Variants in CTNND2 observed in about 807,000 individuals in gnomAD.
The protein encoded by CTNND2 is catenin delta 2.
Under a neutral mutation model 144.4 loss-of-function variants are expected in CTNND2, and 22 were observed. That is an observed-to-expected ratio of 0.15 (90% confidence interval 0.11 to 0.22). CTNND2 has a LOEUF of 0.22. Ranked by LOEUF, CTNND2 falls within the 10% of genes least tolerant of loss-of-function variation. CTNND2 has a pLI of 1.00. For missense variants in CTNND2, 1,353 were observed against 1,618.8 expected, an observed-to-expected ratio of 0.84 and a Z score of 2.82; for synonymous variants, 751 against 695.6, an observed-to-expected ratio of 1.08 and a Z score of -1.25.
intron 2 of CTNND2, among the ~76,000 whole-genome samples, chr5:11,575,634 T>A (rs193040251): frequency 1.7e-3 from 257 of 152,312 alleles, no homozygotes; most frequent in Non-Finnish European, 2.7e-3. Context: ...AATATCCATA[T>A]CAATGGAATA....
At chr5:11,824,968 G>T (rs1267606672) in intron 1 of CTNND2, among the ~76,000 whole-genome samples, 3 of 152,124 alleles carry the variant, frequency 2.0e-5, no homozygotes, top group African/African-American at 4.8e-5. Context: ...GATAATACTA[G>T]CTACCACAAA....
chr5:11,768,873 G>A (rs1318205223), intron 1 of CTNND2, among the ~76,000 whole-genome samples: 3 of 152,140 alleles, frequency 2.0e-5, no homozygotes, highest in African/African-American at 4.8e-5. Context: ...ATTCAGTGAC[G>A]AAATATTGCT....
intron 1 of CTNND2, among the ~76,000 whole-genome samples, chr5:11,875,032 AAAG>A (rs1735455810): frequency 2.0e-5 from 3 of 152,222 alleles, no homozygotes; most frequent in South Asian, 2.1e-4. Context: ...TGTAGAAAAC[AAAG>A]AAGAATTCTG....
At chr5:11,813,653 C>CTTTTTTT (rs1195153036) in intron 1 of CTNND2, among the ~76,000 whole-genome samples, 1 of 152,112 alleles carries the variant, frequency 6.6e-6, no homozygotes. Flanking sequence ...AAAACAAACA[C>CTTTTTTT]TTTTTTTATT....
At chr5:11,229,296 C>T (rs750736360) in intron 10 of CTNND2, among the ~76,000 whole-genome samples, 9 of 152,134 alleles carry the variant, frequency 5.9e-5, no homozygotes, top group South Asian at 2.1e-4. Context: ...ATTATTTGAA[C>T]ATTTATAATT....
chr5:11,675,494 G>C (rs368240030), intron 2 of CTNND2, among the ~76,000 whole-genome samples: 38 of 152,144 alleles, frequency 2.5e-4, no homozygotes, highest in African/African-American at 8.2e-4. Context: ...GTTCCTCACA[G>C]AACCCCATCT....
rs115591958 is a variant in CTNND2, at chr5:11,342,296, A to G, written c.1628+4076T>C. Among the ~76,000 whole-genome samples the G allele has an allele frequency of 3.3e-3, 505 of 152,364 alleles. 3 individuals are homozygous for G. The highest frequency in any genetic ancestry group is 6.4e-3 in the Non-Finnish European group (433 of 68,042). The stretch of plus-strand genomic sequence containing the variant: ...CACAAAATATAGTGGAAATGTATAC[A>G]TAATTCCTTAAAAGTGCATATTGTC... On this transcript the variant is annotated intron_variant, in intron 9 of 21. Transcript: ENST00000304623.
At chr5:11,693,191 C>A (rs966976031) in intron 2 of CTNND2, among the ~76,000 whole-genome samples, 1 of 152,192 alleles carries the variant, frequency 6.6e-6, no homozygotes, top group Admixed American at 6.5e-5. Flanking sequence ...GGGAAAAAGA[C>A]ACCATCTACG....
In CTNND2 at chr5:11,818,327, T is replaced by G. The variant is rs6874215; in HGVS notation, c.37+85490A>C. Reference sequence around the variant, plus strand: ...GCGTTTACATCACACGGCTCATGACTGGAGGATTTCCTTTGACCCAAGCAG... The same window carrying G: ...GCGTTTACATCACACGGCTCATGACGGGAGGATTTCCTTTGACCCAAGCAG... On this transcript the variant is annotated intron_variant, in intron 1 of 21. Transcript: ENST00000304623. Among the ~76,000 whole-genome samples, 578 of 152,146 alleles carry G rather than the reference T, an allele frequency of 3.8e-3. 6 individuals carry two copies. The highest frequency in any genetic ancestry group is 0.012 in the African/African-American group (512 of 41,530).
Position 11,346,537 on chromosome 5 carries a change from C to T in CTNND2, c.1463G>A (p.Arg488Lys). 6.2e-7 allele frequency: 1 copy of T among 1,604,476 alleles called. No individual in the cohort carries two copies. The highest frequency in any genetic ancestry group is 8.5e-7 in the Non-Finnish European group (1 of 1,175,786). The change falls in exon 9 of 22, where the codon AGG (arginine) becomes AAG (lysine). Residue 488 changes from arginine (R) to lysine (K), a missense_variant. Arg to Lys is a conservative substitution (Grantham distance 26, BLOSUM62 2). Transcript: ENST00000304623. ...GGCTGGGCCGGCGGCATAGCTGGCC[C>T]TCTGGAAGGTGGCCGCGGCGGCATT... ...PQNAAAATFQRASYAAGPASN... is the reference protein window; with the variant it reads ...PQNAAAATFQKASYAAGPASN...
rs776624229 is a variant in CTNND2 at position 11,364,693 on chromosome 5, C to A, written c.1372+3G>T. On this transcript the variant is annotated splice_donor_region_variant and intron_variant, in intron 8 of 21. Transcript: ENST00000304623. ...GCCACCCAGTGGGGTCCTGATTACA[C>A]ACCTGTGCTCGTGCGGTAGGTGCCG... is the stretch of plus-strand genomic sequence containing the variant. 1.9e-6 allele frequency: 3 copies of A among 1,608,074 alleles called. No individual in the cohort carries two copies. Among genetic ancestry groups the A allele is most frequent in the South Asian group, 1.1e-5 (1 of 90,120 alleles).
At chr5:11,834,163 A>G (rs1418977696) in intron 1 of CTNND2, among the ~76,000 whole-genome samples, 4 of 152,224 alleles carry the variant, frequency 2.6e-5, no homozygotes, top group Admixed American at 2.6e-4. Flanking sequence ...CCAATAAAAA[A>G]GGGCTTGCAT....
intron 2 of CTNND2, among the ~76,000 whole-genome samples, chr5:11,659,233 T>C (rs1429485351): frequency 6.6e-6 from 1 of 152,230 alleles, no homozygotes. Flanking sequence ...ATAAGTAATA[T>C]AGAGATGATC....
chr5:11,856,310 CAGAGGGAACGAG>C (rs1247293127), intron 1 of CTNND2, among the ~76,000 whole-genome samples: 2 of 152,122 alleles, frequency 1.3e-5, no homozygotes, highest in African/African-American at 4.8e-5. Flanking sequence ...TCGGCATGGC[CAGAGGGAACGAG>C]GTAAGAAGGG....
chr5:11,577,844 G>C (rs568122537), intron 2 of CTNND2, among the ~76,000 whole-genome samples: 26 of 152,124 alleles, frequency 1.7e-4, no homozygotes, highest in Non-Finnish European at 3.4e-4. Context: ...CAAGAAAATA[G>C]TTAATAAAAT....
chr5:11,255,170 A>G (rs1744100443), intron 9 of CTNND2, among the ~76,000 whole-genome samples: 1 of 152,176 alleles, frequency 6.6e-6, no homozygotes, highest in Admixed American at 6.5e-5. Flanking sequence ...CTATTGTATG[A>G]TTTAATACTT....
At chr5:11,056,509 G>A (rs1746365827) in intron 16 of CTNND2, among the ~76,000 whole-genome samples, 1 of 152,050 alleles carries the variant, frequency 6.6e-6, no homozygotes, top group Non-Finnish European at 1.5e-5. Flanking sequence ...TAGAAACAGG[G>A]GTCTCACTGT....
intron 3 of CTNND2, among the ~76,000 whole-genome samples, chr5:11,507,439 C>A (rs955684685): frequency 1.3e-5 from 2 of 152,162 alleles, no homozygotes; most frequent in African/African-American, 2.4e-5. Flanking sequence ...CTCCATCACC[C>A]AGAGGCAGAA....
intron 2 of CTNND2, among the ~76,000 whole-genome samples, chr5:11,666,138 A>G (rs1381493854): frequency 2.6e-5 from 4 of 152,222 alleles, no homozygotes; most frequent in African/African-American, 7.2e-5. Context: ...CATGTACACA[A>G]ATTGCAACCT....
Sources: allele counts gnomAD v4.1 joint callset (sites outside exome capture counted in the v4.1 genomes callset), GRCh38; gene constraint gnomAD v4.1.1; transcripts MANE v1.5; gene names NCBI Gene and HGNC (gene_info 2026-07-23, HGNC 2026-07-21).